The following CEP170 variants were observed in gnomAD, a reference collection of about 807,000 sequenced individuals.
CEP170 encodes the protein centrosomal protein 170, also known as centrosomal protein of 170 kDa.
Under a neutral mutation model 151.9 loss-of-function variants are expected in CEP170, and 21 were observed. The ratio of observed to expected loss-of-function variants is 0.14; its 90% confidence interval spans 0.10 to 0.20. The LOEUF is 0.20. Ranked by LOEUF, CEP170 falls within the 10% of genes least tolerant of loss-of-function variation. CEP170 has a pLI of 1.00. For missense variants in CEP170, 964 were observed against 1,892.9 expected (o/e 0.51, Z 9.11); for synonymous variants, 356 against 648.8 (o/e 0.55, Z 6.86).
At chr1:243,183,509 C>T (rs2059761554) in intron 10 of CEP170, among the ~76,000 whole-genome samples, 1 of 152,134 alleles carries the variant, frequency 6.6e-6, no homozygotes, top group Non-Finnish European at 1.5e-5. Context: ...TTCATACCCA[C>T]AGGTTACTTC....
intron 1 of CEP170, among the ~76,000 whole-genome samples, chr1:243,248,348 C>G (rs1021031045): frequency 6.6e-6 from 1 of 152,204 alleles, no homozygotes; most frequent in African/African-American, 2.4e-5. Flanking sequence ...CAATCCTCCT[C>G]GATGGCGCCT....
chr1:243,189,523 T>G (rs2060164105), intron 8 of CEP170, among the ~76,000 whole-genome samples: 1 of 137,974 alleles, frequency 7.2e-6, no homozygotes, highest in Admixed American at 7.9e-5. Context: ...GCCACTGCAC[T>G]CCAGCCTGAG....
chr1:243,226,471 T>TGC (rs1462378196), intron 1 of CEP170, among the ~76,000 whole-genome samples: 1 of 152,054 alleles, frequency 6.6e-6, no homozygotes, highest in Non-Finnish European at 1.5e-5. Context: ...TTTAATCCAT[T>TGC]GCCATATACT....
chr1:243,159,802 T>TGTGTGTGTGTG (rs58250126), intron 13 of CEP170, among the ~76,000 whole-genome samples: 5 of 150,888 alleles, frequency 3.3e-5, no homozygotes, highest in East Asian at 1.9e-4. Context: ...TGTGTGTGTG[T>TGTGTGTGTGTG]TTTTGAGATG....
chr1:243,209,745 T>C (rs1335560424), intron 4 of CEP170, among the ~76,000 whole-genome samples: 3 of 151,890 alleles, frequency 2.0e-5, no homozygotes, highest in Non-Finnish European at 4.4e-5. Flanking sequence ...AGTGGCACGA[T>C]CTCGGCTCAC....
chr1:243,191,816 A>T (rs2060322898), intron 7 of CEP170, among the ~76,000 whole-genome samples: 2 of 152,174 alleles, frequency 1.3e-5, no homozygotes, highest in African/African-American at 4.8e-5. Flanking sequence ...AAGGTCCAAA[A>T]GAATTAAAAT....
intron 14 of CEP170, among the ~76,000 whole-genome samples, chr1:243,148,213 A>C (rs1355561462): frequency 1.3e-5 from 2 of 151,884 alleles, no homozygotes; most frequent in African/African-American, 4.8e-5. Flanking sequence ...AACAACAAAA[A>C]ACAAAGGAGA....
At chr1:243,195,131 T>C (rs1274590314) in intron 7 of CEP170, among the ~76,000 whole-genome samples, 1 of 151,770 alleles carries the variant, frequency 6.6e-6, no homozygotes, top group Non-Finnish European at 1.5e-5. Flanking sequence ...TGTTCAAGCA[T>C]GTCAAATTAA....
chr1:243,138,009 C>T (rs1452898039), intron 16 of CEP170, among the ~76,000 whole-genome samples: 1 of 151,702 alleles, frequency 6.6e-6, no homozygotes, highest in Admixed American at 6.6e-5. Context: ...GGATGGAAGA[C>T]ATATACAAAT....
chr1:243,222,132 T>G (rs1397306855), intron 2 of CEP170, among the ~76,000 whole-genome samples: 1 of 152,244 alleles, frequency 6.6e-6, no homozygotes, highest in Non-Finnish European at 1.5e-5. Context: ...AGAAATCATG[T>G]GAATTATAAT....
intron 1 of CEP170, among the ~76,000 whole-genome samples, chr1:243,251,022 T>C (rs974230629): frequency 3.3e-5 from 5 of 152,116 alleles, no homozygotes; most frequent in African/African-American, 1.2e-4. Context: ...AAGTTGGAGG[T>C]GTCCTAACAT....
At position 243,142,355 on chromosome 1, in the gene CEP170, A is replaced by G; in HGVS notation, c.4020T>C (p.Ala1340=). ...CTATGGCAGAGCCAGGGGTGGTGGC[A>G]GCAGTGCTTACTGTGGTACTAGGGG... ...GTAPSTTVST[A]ATTPGSAIDT... is the part of the protein sequence containing the mutation. Residue 1340 remains alanine (A), a synonymous_variant, in exon 15 of 20, where the codon GCT becomes GCC. Coordinates refer to ENST00000366542, the MANE Select transcript of CEP170 (RefSeq NM_014812.3). The G allele has an allele frequency of 6.2e-7, 1 of 1,601,842 alleles. No homozygotes were observed. The highest frequency in any genetic ancestry group is 1.1e-5 in the South Asian group (1 of 88,964).
intron 1 of CEP170, among the ~76,000 whole-genome samples, chr1:243,226,807 C>T (rs142017233): frequency 5.2e-4 from 79 of 152,134 alleles, no homozygotes; most frequent in East Asian, 2.7e-3. Flanking sequence ...CTGACCAACA[C>T]GGAGAAACCC....
chr1:243,169,506 T>C, intron 12 of CEP170, 122 bp downstream of exon 12: 1 of 1,486,404 alleles, frequency 6.7e-7, no homozygotes, highest in Non-Finnish European at 9.0e-7. Context: ...AGATTTGGCT[T>C]GTTTTTTATA....
chr1:243,147,565 A>C (rs1445257942), intron 14 of CEP170, among the ~76,000 whole-genome samples: 4 of 152,180 alleles, frequency 2.6e-5, no homozygotes, highest in Admixed American at 2.0e-4. Context: ...AAATGAGGTA[A>C]AATATTGTAT....
chr1:243,127,358 T>C (rs1157476887), intron 19 of CEP170, among the ~76,000 whole-genome samples: 1 of 152,144 alleles, frequency 6.6e-6, no homozygotes, highest in East Asian at 1.9e-4. Context: ...AAGGTCAGCT[T>C]TCAGTCCAAA....
At chr1:243,235,701 AT>A (rs758387099) in intron 1 of CEP170, among the ~76,000 whole-genome samples, 76 of 152,232 alleles carry the variant, frequency 5.0e-4, no homozygotes, top group Admixed American at 7.9e-4. Flanking sequence ...AAAAATTCTC[AT>A]AAAAATAAGT....
At chr1:243,184,024 T>C (rs2059794594) in intron 10 of CEP170, among the ~76,000 whole-genome samples, 4 of 152,150 alleles carry the variant, frequency 2.6e-5, no homozygotes, top group Non-Finnish European at 2.9e-5. Flanking sequence ...TCCATTGTGG[T>C]TTTATATTTA....
In CEP170 at chr1:243,222,336, C is replaced by G. The variant is rs2062894825; in HGVS notation, c.106-523G>C. ...TCTAAAACTGGAATTCACGGGACAG[C>G]TCTAAGAGGGAAAGGGACTGAAAGT... On this transcript the variant is annotated intron_variant, in intron 2 of 19. Coordinates refer to ENST00000366542, the MANE Select transcript of CEP170 (RefSeq NM_014812.3). Among the ~76,000 whole-genome samples the G allele has an allele frequency of 3.9e-5, 6 of 152,122 alleles. No individual in the cohort carries two copies. In the South Asian group the frequency reaches 1.2e-3, roughly 32 times the overall value.
Sources: allele counts gnomAD v4.1 joint callset (sites outside exome capture counted in the v4.1 genomes callset), GRCh38; gene constraint gnomAD v4.1.1; transcripts MANE v1.5; gene names NCBI Gene and HGNC (gene_info 2026-07-23, HGNC 2026-07-21).